WFS1: variants seen among roughly 807,000 people sequenced by gnomAD.
The protein encoded by WFS1 is wolframin.
In WFS1, 90 loss-of-function variants were observed where a neutral mutation model predicts 68.5. The observed-to-expected ratio is 1.31, with a 90% CI of 1.11 to 1.56. The LOEUF is 1.56. WFS1 is among the 40% of genes most tolerant of loss of function. WFS1 has a pLI of 0.00. For missense variants in WFS1, 1,767 were observed against 1,232.6 expected, an observed-to-expected ratio of 1.43 and a Z score of -6.49; for synonymous variants, 860 against 540.7, an observed-to-expected ratio of 1.59 and a Z score of -8.19.
chr4:6,299,944 G>A (rs1730811035), intron 7 of WFS1, among the ~76,000 whole-genome samples: 2 of 150,306 alleles, frequency 1.3e-5, no homozygotes, highest in South Asian at 4.3e-4. Flanking sequence ...ATGCGTGTGT[G>A]TAGGGGTGGG....
chr4:6,300,218 G>A (rs1343938830), intron 7 of WFS1, among the ~76,000 whole-genome samples: 1 of 152,158 alleles, frequency 6.6e-6, no homozygotes, highest in Non-Finnish European at 1.5e-5. Flanking sequence ...GGAGGCTCAG[G>A]GAGGTGACAT....
intron 6 of WFS1, 148 bp from the exon 7 acceptor site, chr4:6,294,893 C>A: frequency 7.4e-7 from 1 of 1,355,170 alleles, no homozygotes; most frequent in South Asian, 1.2e-5. Flanking sequence ...ACCCTCAGGC[C>A]GCCCAGGGAA....
At chr4:6,273,098 T>C (rs1366187732) in intron 1 of WFS1, among the ~76,000 whole-genome samples, 2 of 152,242 alleles carry the variant, frequency 1.3e-5, no homozygotes, top group Non-Finnish European at 2.9e-5. Context: ...GGGCTGTTTC[T>C]GAGGCACTGG....
At chr4:6,277,201 C>T (rs980324737) in intron 1 of WFS1, among the ~76,000 whole-genome samples, 2 of 152,220 alleles carry the variant, frequency 1.3e-5, no homozygotes, top group African/African-American at 4.8e-5. Context: ...CTCCAGGCCT[C>T]GGCATGTGCA....
In WFS1 at chr4:6,287,156, A is replaced by G; in HGVS notation, c.296A>G (p.Asp99Gly). 1 of 1,559,898 alleles carries G rather than the reference A, an allele frequency of 6.4e-7. No homozygotes were observed. ...GTCCTGGAGAGGGCCAAGGCCGGGG[A>G]CCCCAAGGCACAGACTGAGGTGAGG... Reference protein sequence around the residue: ...EEVLERAKAGDPKAQTEVGKH... With the variant: ...EEVLERAKAGGPKAQTEVGKH... Residue 99 changes from aspartate to glycine, a missense_variant, in exon 3 of 8, where the codon GAC (aspartate) becomes GGC (glycine). Coordinates refer to ENST00000226760, the MANE Select transcript of WFS1 (RefSeq NM_006005.3). This position sits in a 1 kb window ranked among gnomAD's most constrained non-coding sequence, Gnocchi z 6.4.
intron 7 of WFS1, among the ~76,000 whole-genome samples, chr4:6,297,940 C>A (rs1310908510): frequency 6.6e-6 from 1 of 152,132 alleles, no homozygotes; most frequent in East Asian, 1.9e-4. Context: ...TCCACACTGT[C>A]CAAGCAGAGG....
chr4:6,302,212 C>T lies in WFS1; in HGVS notation c.2417C>T (p.Ala806Val), dbSNP rs1730964415. Reference protein sequence around the residue: ...DDVTKDIVLRASSEFKSVLLS... With the variant: ...DDVTKDIVLRVSSEFKSVLLS... Reference sequence around the variant, plus strand: ...GTCACCAAGGACATCGTGCTGCGGGCCAGCAGCGAGTTCAAGAGCGTGCTG... The same window carrying T: ...GTCACCAAGGACATCGTGCTGCGGGTCAGCAGCGAGTTCAAGAGCGTGCTG... The change falls in exon 8 of 8, where the codon GCC (alanine) becomes GTC (valine). Residue 806 changes from alanine to valine, a missense_variant. Coordinates refer to ENST00000226760, the MANE Select transcript of WFS1 (RefSeq NM_006005.3). The T allele has an allele frequency of 6.2e-7, 1 of 1,610,676 alleles. No individual in the cohort carries two copies. The highest frequency in any genetic ancestry group is 8.5e-7 in the Non-Finnish European group (1 of 1,178,710).
rs748313250 is a variant in WFS1, at chr4:6,301,938, A to G, written c.2143A>G (p.Ser715Gly). The change falls in exon 8 of 8, where the codon AGC (serine) becomes GGC (glycine). Residue 715 changes from serine (S) to glycine (G), a missense_variant. By Grantham distance (56) the Ser-to-Gly change is moderately conservative. Transcript: ENST00000226760. ...CGTCCGCGTGACTGACATCGACAACAGCGCCGAGTCTGCCATCAACATGCT... is the reference window on the plus strand; with the variant it reads ...CGTCCGCGTGACTGACATCGACAACGGCGCCGAGTCTGCCATCAACATGCT... ...KYVRVTDIDN[S>G]AESAINMLPF... The G allele has an allele frequency of 3.1e-6, 5 of 1,612,762 alleles. No individual in the cohort carries two copies. The East Asian group carries it at 8.9e-5, about 29-fold the overall frequency.
intron 1 of WFS1, among the ~76,000 whole-genome samples, chr4:6,275,412 C>T (rs1288304103): frequency 1.3e-5 from 2 of 152,184 alleles, no homozygotes; most frequent in Non-Finnish European, 2.9e-5. Context: ...ACTAAGGGGA[C>T]ACTTAGGTCT....
At chr4:6,280,412 A>G (rs1244816172) in intron 2 of WFS1, among the ~76,000 whole-genome samples, 1 of 152,154 alleles carries the variant, frequency 6.6e-6, no homozygotes, top group Non-Finnish European at 1.5e-5. Flanking sequence ...CTGCTCAACA[A>G]GAGAATAAAG....
At chr4:6,298,024 G>A (rs1730683688) in intron 7 of WFS1, among the ~76,000 whole-genome samples, 1 of 152,254 alleles carries the variant, frequency 6.6e-6, no homozygotes, top group Middle Eastern at 3.2e-3. Flanking sequence ...GTGGTTGTGT[G>A]TGTTCTAGGC....
At chr4:6,286,291 A>T (rs1730306482) in intron 2 of WFS1, among the ~76,000 whole-genome samples, 1 of 152,156 alleles carries the variant, frequency 6.6e-6, no homozygotes. Flanking sequence ...GAGGTGATGA[A>T]TCATGAGCGA....
intron 3 of WFS1, among the ~76,000 whole-genome samples, chr4:6,288,309 C>T (rs982234213): frequency 3.3e-5 from 5 of 151,992 alleles, no homozygotes; most frequent in African/African-American, 7.3e-5. Flanking sequence ...CATTTGGAGG[C>T]GGGGGGAGCA....
intron 2 of WFS1, among the ~76,000 whole-genome samples, chr4:6,284,561 C>T (rs770334800): frequency 3.3e-5 from 5 of 151,694 alleles, no homozygotes; most frequent in African/African-American, 1.2e-4. Flanking sequence ...GACTTGTGAA[C>T]TTAGGTCAAG....
At chr4:6,278,134 G>A (rs1346862564) in intron 2 of WFS1, among the ~76,000 whole-genome samples, 6 of 152,212 alleles carry the variant, frequency 3.9e-5, no homozygotes, top group South Asian at 2.1e-4. Context: ...AGGGACGGGC[G>A]TCCTTCACCT....
chr4:6,302,694 T>A lies in WFS1; in HGVS notation c.*226T>A. On this transcript the variant is annotated 3_prime_UTR_variant, in exon 8 of 8. Transcript: ENST00000226760. ...CAAGTGTGTTGGGAATTGCATGCCA[T>A]CTCCACCCTGAGCCTGACCTTTCTG... 1.5e-6 allele frequency: 1 copy of A among 654,606 alleles called. No homozygotes were observed. Among genetic ancestry groups the A allele is most frequent in the South Asian group, 1.9e-5 (1 of 51,316 alleles). The allele number at this position is 654,606 out of a possible 1,614,324, so 40.5% of individuals were successfully genotyped here.
At chr4:6,289,868 TA>T (rs1395897639) in intron 4 of WFS1, among the ~76,000 whole-genome samples, 1 of 152,200 alleles carries the variant, frequency 6.6e-6, no homozygotes, top group Non-Finnish European at 1.5e-5. Context: ...GTAGAAAACA[TA>T]AAGATACAAA....
chr4:6,286,715 G>A (rs987069293), intron 2 of WFS1, among the ~76,000 whole-genome samples: 1 of 152,206 alleles, frequency 6.6e-6, no homozygotes, highest in African/African-American at 2.4e-5. Context: ...TAGGTCATGG[G>A]CTGTCAAACT....
At chr4:6,289,158 C>T (rs750465766) in intron 4 of WFS1, 27 bp downstream of exon 4, 5 of 1,557,812 alleles carry the variant, frequency 3.2e-6, no homozygotes, top group Non-Finnish European at 3.5e-6. Context: ...CTTAGAACAG[C>T]CTCTGGAGGG....
Sources: gnomAD v4.1 joint callset for allele counts (sites outside exome capture counted in the v4.1 genomes callset) on GRCh38, gnomAD v4.1.1 for gene constraint, Gnocchi (gnomAD v3.1) non-coding constraint, MANE v1.5 for transcripts, NCBI Gene and HGNC (gene_info 2026-07-23, HGNC 2026-07-21) for gene names.